Variants in GHR observed in about 807,000 individuals in gnomAD.
GHR encodes the protein GH receptor.
GHR carries 35 observed loss-of-function variants against 67.1 expected under a neutral mutation model. The observed-to-expected ratio is 0.52, with a 90% CI of 0.40 to 0.69. The LOEUF is 0.69. Ranked by LOEUF, GHR falls within the 30% of genes least tolerant of loss-of-function variation. The probability of loss-of-function intolerance (pLI) is 0.00; values close to 1 mark genes in which losing one functional copy is unlikely to be tolerated. For synonymous variants in GHR, 272 were observed against 269.1 expected (o/e 1.01, Z -0.10); for missense variants, 792 against 764.6 (o/e 1.04, Z -0.42).
Position 42,589,535 on chromosome 5 carries a change from C to T in GHR, c.70+23591C>T, listed in dbSNP as rs1751666429. Among the ~76,000 whole-genome samples, 7 of 152,106 alleles carry T rather than the reference C, an allele frequency of 4.6e-5. No homozygotes were observed. The South Asian group carries it at 1.4e-3, about 32-fold the overall frequency. ...TGAGATCAGACAAAATTTACCTCAG[C>T]TTATAACTTTATCTTTTAAGTGGAA... On this transcript the variant is annotated intron_variant, in intron 2 of 9. Coordinates refer to ENST00000230882, the MANE Select transcript of GHR (RefSeq NM_000163.5).
chr5:42,499,893 G>C (rs1411368618), intron 1 of GHR, among the ~76,000 whole-genome samples: 3 of 152,198 alleles, frequency 2.0e-5, no homozygotes, highest in Non-Finnish European at 4.4e-5. Context: ...TCACATAAAT[G>C]TGTGAAACAC....
intron 1 of GHR, among the ~76,000 whole-genome samples, chr5:42,489,431 G>A (rs1746019250): frequency 6.6e-6 from 1 of 152,072 alleles, no homozygotes; most frequent in Admixed American, 6.6e-5. Context: ...TAAATAATGA[G>A]TGACTGTAAC....
At chr5:42,643,082 T>C (rs976956629) in intron 3 of GHR, among the ~76,000 whole-genome samples, 4 of 152,130 alleles carry the variant, frequency 2.6e-5, no homozygotes, top group Admixed American at 6.5e-5. Flanking sequence ...GGTACCAAGG[T>C]TTAGGACTTG....
intron 1 of GHR, among the ~76,000 whole-genome samples, chr5:42,534,050 A>G (rs1469705061): frequency 6.6e-6 from 1 of 150,674 alleles, no homozygotes; most frequent in Non-Finnish European, 1.5e-5. Context: ...TATATAGTAT[A>G]TGTATGTATA....
intron 6 of GHR, among the ~76,000 whole-genome samples, chr5:42,703,949 T>C (rs1480566177): frequency 6.6e-6 from 1 of 151,938 alleles, no homozygotes; most frequent in Non-Finnish European, 1.5e-5. Flanking sequence ...GTTGAAGTCT[T>C]TAGGGTTTTC....
chr5:42,570,128 G>A (rs1750206392), intron 2 of GHR, among the ~76,000 whole-genome samples: 1 of 152,140 alleles, frequency 6.6e-6, no homozygotes, highest in Non-Finnish European at 1.5e-5. Context: ...TTTCACACAA[G>A]TATTAGAGTC....
intron 2 of GHR, among the ~76,000 whole-genome samples, chr5:42,578,755 G>A (rs1044684114): frequency 6.6e-6 from 1 of 152,048 alleles, no homozygotes; most frequent in African/African-American, 2.4e-5. Context: ...CTACTGAAGT[G>A]GTATCAAATC....
At chr5:42,451,545 A>T (rs1327552775) in intron 1 of GHR, among the ~76,000 whole-genome samples, 1 of 151,956 alleles carries the variant, frequency 6.6e-6, no homozygotes, top group Non-Finnish European at 1.5e-5. Context: ...TTCTACTAAA[A>T]ATACAAAGAA....
At chr5:42,450,710 G>T (rs1443254403) in intron 1 of GHR, among the ~76,000 whole-genome samples, 1 of 151,832 alleles carries the variant, frequency 6.6e-6, no homozygotes, top group African/African-American at 2.4e-5. Context: ...CTAGTTCCTT[G>T]AGGTGTGACC....
intron 7 of GHR, among the ~76,000 whole-genome samples, chr5:42,712,689 T>A (rs1256185996): frequency 6.6e-6 from 1 of 152,090 alleles, no homozygotes; most frequent in African/African-American, 2.4e-5. Context: ...GTAAGAATAC[T>A]GGGTACCAAC....
intron 1 of GHR, among the ~76,000 whole-genome samples, chr5:42,466,432 T>C (rs983261964): frequency 8.5e-5 from 13 of 152,216 alleles, no homozygotes; most frequent in Non-Finnish European, 2.9e-5. Flanking sequence ...AATTGTTGAA[T>C]TGCTACCCCA....
chr5:42,717,095 G>T (rs983559739), intron 8 of GHR, among the ~76,000 whole-genome samples: 3 of 152,134 alleles, frequency 2.0e-5, no homozygotes, highest in African/African-American at 7.2e-5. Flanking sequence ...TTGCCCTGAG[G>T]CCAGGAGTTC....
chr5:42,588,519 T>A (rs1580001818), intron 2 of GHR, among the ~76,000 whole-genome samples: 1 of 26,418 alleles, frequency 3.8e-5, no homozygotes, highest in African/African-American at 1.0e-4. Context: ...AAAGCGAAAC[T>A]CCATCTCAAA....
chr5:42,620,623 C>T (rs918969285), intron 2 of GHR, among the ~76,000 whole-genome samples: 4 of 152,138 alleles, frequency 2.6e-5, no homozygotes, highest in African/African-American at 9.6e-5. Flanking sequence ...TGGTTCTACA[C>T]AGGACTAGAA....
chr5:42,427,809 T>C (rs1742917797), intron 1 of GHR, among the ~76,000 whole-genome samples: 1 of 152,210 alleles, frequency 6.6e-6, no homozygotes, highest in Admixed American at 6.5e-5. Context: ...TGGGAGAAAT[T>C]GGCCAAAACA....
rs1352244848 is a variant in GHR at position 42,424,302 on chromosome 5, T to A, written c.-12+347T>A. The A allele has an allele frequency of 2.0e-6, 1 of 502,488 alleles. No individual in the cohort carries two copies. The highest frequency in any genetic ancestry group is 3.6e-6 in the Non-Finnish European group (1 of 276,090). The allele number at this position is 502,488 out of a possible 1,614,324, so 31.1% of individuals were successfully genotyped here. A position where few individuals can be genotyped will look rare whatever the true frequency, so the allele number is the denominator to read the frequency against. On this transcript the variant is annotated intron_variant, in intron 1 of 9. Coordinates refer to ENST00000230882, the MANE Select transcript of GHR (RefSeq NM_000163.5). This position sits in a 1 kb window ranked among gnomAD's most constrained non-coding sequence, Gnocchi z 4.1. ...GGCGTCTGCTCTGGCCCGCGAGTAG[T>A]GTACGTGGAGGGGTTTACTCCGGAG...
intron 1 of GHR, among the ~76,000 whole-genome samples, chr5:42,481,442 T>C (rs529447790): frequency 4.6e-5 from 7 of 152,350 alleles, no homozygotes; most frequent in Middle Eastern, 3.4e-3. Flanking sequence ...CCTGCCTTGC[T>C]AGATTGGGGA....
intron 1 of GHR, among the ~76,000 whole-genome samples, chr5:42,454,577 G>A (rs527900068): frequency 7.2e-5 from 11 of 152,256 alleles, no homozygotes; most frequent in African/African-American, 2.6e-4. Flanking sequence ...CAGGCTGATG[G>A]GGTTATGTTC....
chr5:42,468,547 C>A, intron 1 of GHR: 1 of 844,614 alleles, frequency 1.2e-6, no homozygotes, highest in South Asian at 1.7e-5. Flanking sequence ...GAACAATGAC[C>A]CTTATTCCTT....
Sources: gnomAD v4.1 joint callset for allele counts (sites outside exome capture counted in the v4.1 genomes callset) on GRCh38, gnomAD v4.1.1 for gene constraint, Gnocchi (gnomAD v3.1) non-coding constraint, MANE v1.5 for transcripts, NCBI Gene and HGNC (gene_info 2026-07-23, HGNC 2026-07-21) for gene names.